DSE: variants seen among roughly 807,000 people sequenced by gnomAD.
The protein encoded by DSE is dermatan sulfate epimerase, also known as dermatan-sulfate epimerase.
Under a neutral mutation model 84.4 loss-of-function variants are expected in DSE, and 36 were observed. That is an observed-to-expected ratio of 0.43 (90% CI 0.33 to 0.56). The LOEUF (loss-of-function observed/expected upper bound fraction) is 0.56. DSE is among the 20% of genes least tolerant of loss of function. DSE has a pLI of 0.06. For synonymous variants in DSE, 410 were observed against 430.1 expected, an observed-to-expected ratio of 0.95 and a Z score of 0.58; for missense variants, 862 against 1,169.6, an observed-to-expected ratio of 0.74 and a Z score of 3.84.
intron 2 of DSE, among the ~76,000 whole-genome samples, chr6:116,352,615 T>TA (rs1308998781): frequency 6.6e-6 from 1 of 151,786 alleles, no homozygotes; most frequent in East Asian, 1.9e-4. Context: ...AATTGAGAAA[T>TA]AAAAAACAGG....
intron 2 of DSE, among the ~76,000 whole-genome samples, chr6:116,292,755 C>T (rs73767722): frequency 0.013 from 1,935 of 152,220 alleles, 46 homozygotes; most frequent in African/African-American, 0.044. Context: ...CTGAATATTA[C>T]GTAACCTTTA....
intron 2 of DSE, among the ~76,000 whole-genome samples, chr6:116,364,857 G>A (rs1012838072): frequency 1.8e-4 from 21 of 118,046 alleles, no homozygotes; most frequent in Non-Finnish European, 2.8e-4. Flanking sequence ...TTTTGACACC[G>A]AGTTTCACTC....
intron 2 of DSE, among the ~76,000 whole-genome samples, chr6:116,309,370 A>G (rs1775534041): frequency 6.6e-6 from 1 of 152,188 alleles, no homozygotes; most frequent in Admixed American, 6.5e-5. Flanking sequence ...AAGAAGGTCA[A>G]TTGCCTATTA....
chr6:116,317,348 A>G (rs1179071810), intron 2 of DSE, among the ~76,000 whole-genome samples: 1 of 152,220 alleles, frequency 6.6e-6, no homozygotes, highest in Non-Finnish European at 1.5e-5. Context: ...TAGGAGGCAT[A>G]TTGTTATGGC....
chr6:116,309,928 A>C (rs556637830), intron 2 of DSE, among the ~76,000 whole-genome samples: 21 of 152,288 alleles, frequency 1.4e-4, no homozygotes, highest in Middle Eastern at 3.4e-3. Flanking sequence ...TTGAGGATTA[A>C]GTTTCCATAT....
At chr6:116,404,573 A>C (rs1322995257) in intron 2 of DSE, among the ~76,000 whole-genome samples, 1 of 152,244 alleles carries the variant, frequency 6.6e-6, no homozygotes, top group Non-Finnish European at 1.5e-5. Flanking sequence ...TTGGTTCTTC[A>C]TCTGTAAAAT....
At chr6:116,425,725 C>G (rs1358159596) in intron 2 of DSE, among the ~76,000 whole-genome samples, 3 of 150,492 alleles carry the variant, frequency 2.0e-5, no homozygotes, top group Non-Finnish European at 4.4e-5. Context: ...CAGGTTCATG[C>G]CATTCTCCTG....
At chr6:116,342,632 T>A (rs1242328374) in intron 2 of DSE, among the ~76,000 whole-genome samples, 1 of 152,240 alleles carries the variant, frequency 6.6e-6, no homozygotes, top group Non-Finnish European at 1.5e-5. Context: ...AAAACCTTTT[T>A]CTCTGCCATT....
intron 2 of DSE, among the ~76,000 whole-genome samples, chr6:116,340,496 T>C (rs1777526085): frequency 6.6e-6 from 1 of 152,160 alleles, no homozygotes; most frequent in South Asian, 2.1e-4. Flanking sequence ...TTTTTTTTAT[T>C]ATTATTATTC....
chr6:116,371,050 G>C lies in DSE; in HGVS notation c.-125G>C. 1 of 985,952 alleles carries C rather than the reference G, an allele frequency of 1.0e-6. No homozygotes were observed. Among genetic ancestry groups the C allele is most frequent in the Non-Finnish European group, 1.2e-6 (1 of 830,402 alleles). 61.1% of individuals were successfully genotyped at this position (985,952 alleles called of 1,614,324 possible). A position where few individuals can be genotyped will look rare whatever the true frequency, so the allele number is the denominator to read the frequency against. ...GCCGGGAGCCCGGGCGCCCTGGAGT[G>C]AGGAGGACCGGGAGCTGGCTCTGGA... On this transcript the variant is annotated 5_prime_UTR_variant, in exon 1 of 6. The change abolishes the stop of an existing upstream ORF in the 5' untranslated region. Transcript: ENST00000644252.
intron 2 of DSE, among the ~76,000 whole-genome samples, chr6:116,408,669 G>A (rs1047600221): frequency 1.3e-5 from 2 of 152,262 alleles, no homozygotes; most frequent in Middle Eastern, 3.4e-3. Context: ...TACCTTTGAC[G>A]TACTTGGAGG....
intron 2 of DSE, among the ~76,000 whole-genome samples, chr6:116,333,319 G>T (rs1417238922): frequency 2.0e-5 from 3 of 152,192 alleles, no homozygotes; most frequent in African/African-American, 7.2e-5. Flanking sequence ...CATATTTGGT[G>T]AGGGCATTCT....
chr6:116,417,763 A>G (rs1041843651), intron 2 of DSE, among the ~76,000 whole-genome samples: 5 of 152,190 alleles, frequency 3.3e-5, no homozygotes, highest in African/African-American at 4.8e-5. Flanking sequence ...CCTTCTAGCA[A>G]TTGTTTCCAG....
At chr6:116,259,090 G>A in intron 2 of DSE, 1 of 1,543,696 alleles carries the variant, frequency 6.5e-7, no homozygotes, top group Admixed American at 1.7e-5. Context: ...TGCCACTGCT[G>A]GTGCTGCTGT....
At chr6:116,277,154 A>G (rs192585221) in intron 2 of DSE, 11 of 152,618 alleles carry the variant, frequency 7.2e-5, no homozygotes, top group Non-Finnish European at 1.6e-4. Context: ...AGAAAAAAAA[A>G]TTTTACTAAA....
chr6:116,410,690 C>T (rs1260257803), intron 2 of DSE, among the ~76,000 whole-genome samples: 9 of 136,560 alleles, frequency 6.6e-5, no homozygotes, highest in African/African-American at 1.1e-4. Context: ...GCCAAGATCG[C>T]TCCACTGCAC....
At chr6:116,311,796 T>G (rs1712734892) in intron 2 of DSE, among the ~76,000 whole-genome samples, 1 of 152,188 alleles carries the variant, frequency 6.6e-6, no homozygotes. Flanking sequence ...TAAAGTATCT[T>G]TTACCCTTTT....
chr6:116,328,414 CTG>C (rs1286532139), intron 2 of DSE, among the ~76,000 whole-genome samples: 1 of 152,176 alleles, frequency 6.6e-6, no homozygotes, highest in Admixed American at 6.5e-5. Flanking sequence ...ACCGAGGAGA[CTG>C]TGCACATATT....
chr6:116,403,307 A>G (rs1174205650), intron 2 of DSE, among the ~76,000 whole-genome samples: 1 of 152,144 alleles, frequency 6.6e-6, no homozygotes, highest in African/African-American at 2.4e-5. Flanking sequence ...TTTTAAAAGT[A>G]AAATTAAAAA....
Sources: allele counts gnomAD v4.1 joint callset (sites outside exome capture counted in the v4.1 genomes callset), GRCh38; gene constraint gnomAD v4.1.1; transcripts MANE v1.5; gene names NCBI Gene and HGNC (gene_info 2026-07-23, HGNC 2026-07-21).